Variants in MAP3K21 observed in about 807,000 individuals in gnomAD.
The protein encoded by MAP3K21 is mitogen-activated protein kinase kinase kinase 21.
MAP3K21 carries 63 observed loss-of-function variants against 86.1 expected under a neutral mutation model. That is an observed-to-expected ratio of 0.73 (90% confidence interval 0.60 to 0.90). MAP3K21 has a LOEUF of 0.90. Among genes scored for constraint, MAP3K21 ranks in the 40% least tolerant of loss-of-function variants. MAP3K21 has a pLI of 0.00. For synonymous variants in MAP3K21, 558 were observed against 564.8 expected (o/e 0.99, Z 0.17); for missense variants, 1,220 against 1,367.7 (o/e 0.89, Z 1.70).
At chr1:233,372,010 A>G in intron 5 of MAP3K21, 28 bp from the exon 6 acceptor site, 2 of 1,603,096 alleles carry the variant, frequency 1.2e-6, no homozygotes, top group Non-Finnish European at 1.7e-6. Flanking sequence ...ACCATGAAAT[A>G]CCAGTTCTCC....
rs77447301 is a variant in MAP3K21 at position 233,343,451 on chromosome 1, C to A, written c.806-2991C>A. 6.0e-3 allele frequency among the ~76,000 whole-genome samples: 920 copies of A among 152,250 alleles called. 22 individuals carry two copies. The East Asian group carries it at 0.064, about 11-fold the overall frequency. The stretch of plus-strand genomic sequence containing the variant: ...AGAAGCACATGGGATCCAAACCAGG[C>A]GGGTTGGCCCTAGACTGCATGCATT... On this transcript the variant is annotated intron_variant, in intron 1 of 9. Coordinates refer to ENST00000366624, the MANE Select transcript of MAP3K21 (RefSeq NM_032435.3).
chr1:233,375,437 C>A (rs1012284113), intron 6 of MAP3K21, among the ~76,000 whole-genome samples: 8 of 151,766 alleles, frequency 5.3e-5, no homozygotes, highest in Non-Finnish European at 1.0e-4. Flanking sequence ...ATTGTGATGA[C>A]CAAAAAATAA....
chr1:233,346,393 A>G (rs1663139801), intron 1 of MAP3K21, 49 bp from the exon 2 acceptor site: 1 of 1,459,488 alleles, frequency 6.9e-7, no homozygotes, highest in Non-Finnish European at 9.4e-7. Flanking sequence ...AAATTGTGAC[A>G]GAAAAATTAA....
At chr1:233,347,871 G>A (rs1460376186) in intron 2 of MAP3K21, among the ~76,000 whole-genome samples, 5 of 152,090 alleles carry the variant, frequency 3.3e-5, no homozygotes, top group South Asian at 4.1e-4. Flanking sequence ...TGTGTACTCC[G>A]TGAATCTGAA....
intron 1 of MAP3K21, among the ~76,000 whole-genome samples, chr1:233,335,876 A>G (rs1662902626): frequency 6.6e-6 from 1 of 152,198 alleles, no homozygotes; most frequent in African/African-American, 2.4e-5. Flanking sequence ...GGATGGTGGC[A>G]TTTATTTGCA....
intron 2 of MAP3K21, among the ~76,000 whole-genome samples, chr1:233,349,343 C>T (rs959479536): frequency 6.6e-6 from 1 of 152,172 alleles, no homozygotes; most frequent in African/African-American, 2.4e-5. Flanking sequence ...TATTAAAATA[C>T]ATCGTAAATC....
intron 2 of MAP3K21, among the ~76,000 whole-genome samples, chr1:233,347,442 CT>C (rs1404733722): frequency 5.9e-5 from 9 of 152,132 alleles, no homozygotes; most frequent in African/African-American, 2.2e-4. Context: ...AAAAATCACA[CT>C]GTTTAATAGT....
intron 6 of MAP3K21, chr1:233,372,445 T>TG: frequency 7.5e-6 from 3 of 401,502 alleles, no homozygotes; most frequent in African/African-American, 2.0e-5. Flanking sequence ...GTTAAACACT[T>TG]GCACGCAACG....
intron 6 of MAP3K21, among the ~76,000 whole-genome samples, chr1:233,375,222 G>A (rs1317018932): frequency 1.3e-5 from 2 of 152,082 alleles, no homozygotes; most frequent in Non-Finnish European, 2.9e-5. Flanking sequence ...GATTACAGGC[G>A]TGAGCCATGG....
intron 1 of MAP3K21, among the ~76,000 whole-genome samples, chr1:233,332,632 G>A (rs551908744): frequency 7.9e-5 from 12 of 152,288 alleles, no homozygotes; most frequent in African/African-American, 2.6e-4. Context: ...CAGAGTGGTA[G>A]CAATGGAAGT....
At chr1:233,371,073 T>A (rs1283621236) in intron 5 of MAP3K21, among the ~76,000 whole-genome samples, 1 of 152,226 alleles carries the variant, frequency 6.6e-6, no homozygotes, top group East Asian at 1.9e-4. Flanking sequence ...TCTGGTAATA[T>A]TGCTTTCTCT....
chr1:233,338,291 T>G (rs1662953573), intron 1 of MAP3K21, among the ~76,000 whole-genome samples: 1 of 152,240 alleles, frequency 6.6e-6, no homozygotes, highest in Non-Finnish European at 1.5e-5. Flanking sequence ...ATGCTAGCTC[T>G]TTCATTTATA....
chr1:233,381,228 G>A lies in MAP3K21; in HGVS notation c.2705-1077G>A, dbSNP rs1294242. Among the ~76,000 whole-genome samples, 180 of 152,218 alleles carry A rather than the reference G, an allele frequency of 1.2e-3. 1 individual carries two copies. Among genetic ancestry groups the A allele is most frequent in the African/African-American group, 4.2e-3 (174 of 41,536 alleles). Reference sequence around the variant, plus strand: ...GCTTATATGCTGAGTGAATTTGGGCGAATCACTTAAACATTTTGTGCCTCA... The same window carrying A: ...GCTTATATGCTGAGTGAATTTGGGCAAATCACTTAAACATTTTGTGCCTCA... On this transcript the variant is annotated intron_variant, in intron 9 of 9. Transcript: ENST00000366624.
In MAP3K21 at chr1:233,372,034, A is replaced by G. The variant is rs1377363271; in HGVS notation, c.1553-4A>G. The G allele has an allele frequency of 6.2e-7, 1 of 1,607,824 alleles. No individual in the cohort carries two copies. The highest frequency in any genetic ancestry group is 8.5e-7 in the Non-Finnish European group (1 of 1,177,728). ...TACCAGTTCTCCCTTTTTGCCTCCA[A>G]CAGATTTCCAGCACAAGATAACCGT... On this transcript the variant is annotated splice_polypyrimidine_tract_variant and splice_region_variant and intron_variant, in intron 5 of 9. Coordinates refer to ENST00000366624, the MANE Select transcript of MAP3K21 (RefSeq NM_032435.3).
At chr1:233,354,782 G>GCAACT in intron 3 of MAP3K21, 54 bp from the exon 4 acceptor site, 4 of 1,471,262 alleles carry the variant, frequency 2.7e-6, no homozygotes, top group Non-Finnish European at 3.8e-6. Flanking sequence ...ACATTTCTTA[G>GCAACT]CAACTCTAAA....
At chr1:233,345,794 C>G (rs1022449341) in intron 1 of MAP3K21, among the ~76,000 whole-genome samples, 3 of 151,760 alleles carry the variant, frequency 2.0e-5, no homozygotes, top group South Asian at 4.2e-4. Flanking sequence ...CAGAGCTACA[C>G]AAGAGCTCAG....
Position 233,329,653 on chromosome 1 carries a change from C to CA in MAP3K21, c.805+833dup, listed in dbSNP as rs796672723. Among the ~76,000 whole-genome samples the CA allele has an allele frequency of 9.4e-3, 1,242 of 132,696 alleles. 7 individuals carry two copies. Among genetic ancestry groups the CA allele is most frequent in the Admixed American group, 0.013 (172 of 13,326 alleles). 87.1% of individuals were successfully genotyped at this position (132,696 alleles called of 152,430 possible). ...TAGGAGATAGAGTGAGACTCTGTCT[C>CA]AAAAAAAAAAAAAGTGTCTCTACGT... On this transcript the variant is annotated intron_variant, in intron 1 of 9. Transcript: ENST00000366624.
chr1:233,384,172 T>A lies in MAP3K21; in HGVS notation c.*1461T>A, dbSNP rs1356773843. On this transcript the variant is annotated 3_prime_UTR_variant, in exon 10 of 10. Transcript: ENST00000366624. ...TGCACCTTGCTTAAGGTTTACTGAA[T>A]AACTGAAATGTCAGCAATTTAAAAT... 1 of 152,216 alleles carries A rather than the reference T, an allele frequency of 6.6e-6. No individual in the cohort carries two copies. The highest frequency in any genetic ancestry group is 1.5e-5 in the Non-Finnish European group (1 of 68,022). 9.4% of individuals were successfully genotyped at this position (152,216 alleles called of 1,614,324 possible). A position where few individuals can be genotyped will look rare whatever the true frequency, so the allele number is the denominator to read the frequency against.
At chr1:233,347,390 T>G (rs773524703) in intron 2 of MAP3K21, among the ~76,000 whole-genome samples, 40 of 152,200 alleles carry the variant, frequency 2.6e-4, no homozygotes, top group Non-Finnish European at 5.0e-4. Flanking sequence ...CCATTCAGCT[T>G]TGTCTCATTA....
Sources: gnomAD v4.1 joint callset for allele counts (sites outside exome capture counted in the v4.1 genomes callset) on GRCh38, gnomAD v4.1.1 for gene constraint, MANE v1.5 for transcripts, NCBI Gene and HGNC (gene_info 2026-07-23, HGNC 2026-07-21) for gene names.